RORA: variants seen among roughly 807,000 people sequenced by gnomAD.
RORA encodes the protein nuclear receptor ROR-alpha.
In RORA, 7 loss-of-function variants were observed where a neutral mutation model predicts 69.5. That is an observed-to-expected ratio of 0.10 (90% CI 0.06 to 0.19). The LOEUF (loss-of-function observed/expected upper bound fraction) is 0.19. Among genes scored for constraint, RORA ranks in the 10% least tolerant of loss-of-function variants. The pLI is 1.00. For synonymous variants in RORA, 261 were observed against 240.8 expected, an observed-to-expected ratio of 1.08 and a Z score of -0.78; for missense variants, 457 against 663.0, an observed-to-expected ratio of 0.69 and a Z score of 3.41.
chr15:61,042,336 C>A (rs962299211), intron 1 of RORA, among the ~76,000 whole-genome samples: 17 of 152,236 alleles, frequency 1.1e-4, no homozygotes, highest in African/African-American at 4.1e-4. Context: ...GGAACTGTTC[C>A]AAGATGGCAA....
chr15:60,934,208 C>T (rs1892454883), intron 1 of RORA, among the ~76,000 whole-genome samples: 1 of 152,226 alleles, frequency 6.6e-6, no homozygotes, highest in African/African-American at 2.4e-5. Context: ...CTGCCTGCCT[C>T]ATGCAGGGAG....
intron 1 of RORA, among the ~76,000 whole-genome samples, chr15:60,779,751 G>C (rs1418144508): frequency 6.6e-6 from 1 of 152,148 alleles, no homozygotes; most frequent in Non-Finnish European, 1.5e-5. Context: ...AACTTAACAT[G>C]GTTCTACATT....
intron 1 of RORA, among the ~76,000 whole-genome samples, chr15:60,938,259 A>C (rs1013579216): frequency 2.6e-5 from 4 of 152,210 alleles, no homozygotes; most frequent in South Asian, 4.1e-4. Context: ...TAGAAAAAAC[A>C]ATGTCTAAAA....
chr15:61,201,896 C>T (rs2079898109), intron 1 of RORA, among the ~76,000 whole-genome samples: 1 of 152,072 alleles, frequency 6.6e-6, no homozygotes, highest in Admixed American at 6.5e-5. Flanking sequence ...AAATTAGTTC[C>T]TCATAACATT....
chr15:60,846,274 T>G (rs16943190), intron 1 of RORA, among the ~76,000 whole-genome samples: 1,761 of 152,346 alleles, frequency 0.012, 12 homozygotes, highest in Non-Finnish European at 0.019. Flanking sequence ...CGTACTGTGA[T>G]TTATCATTGC....
chr15:60,523,048 C>G (rs900838950), intron 3 of RORA, among the ~76,000 whole-genome samples: 1 of 133,434 alleles, frequency 7.5e-6, no homozygotes, highest in Non-Finnish European at 1.6e-5. Context: ...AAAAAAAAAA[C>G]ACAAAAAAAA....
intron 1 of RORA, among the ~76,000 whole-genome samples, chr15:60,865,733 C>G (rs1363325158): frequency 6.6e-6 from 1 of 152,148 alleles, no homozygotes; most frequent in Non-Finnish European, 1.5e-5. Flanking sequence ...CAGCCCCTTC[C>G]AGTCCCAGCC....
rs2065685121 is a variant in RORA at position 60,511,157 on chromosome 15, G to A, written c.820+69C>T. On this transcript the variant is annotated intron_variant, in intron 5 of 10. Coordinates refer to ENST00000335670, the MANE Select transcript of RORA (RefSeq NM_134261.3). The surrounding 1 kb of genome is among the most constrained non-coding windows in gnomAD (Gnocchi z 6.4). ...ATTTAGCAGAACTCATTAGAGGAAA[G>A]TCAGACATACCCCTTTTACTTCAAA... 1 of 1,498,722 alleles carries A rather than the reference G, an allele frequency of 6.7e-7. No homozygotes were observed. The highest frequency in any genetic ancestry group is 9.0e-7 in the Non-Finnish European group (1 of 1,108,650). 92.8% of individuals were successfully genotyped at this position (1,498,722 alleles called of 1,614,324 possible).
chr15:60,509,448 T>C (rs1567044900), intron 5 of RORA, among the ~76,000 whole-genome samples: 2 of 152,244 alleles, frequency 1.3e-5, no homozygotes, highest in African/African-American at 4.8e-5. Flanking sequence ...AAGAGGAAGC[T>C]GACTTGTCCG....
chr15:61,021,426 G>T (rs901343328), intron 1 of RORA, among the ~76,000 whole-genome samples: 1 of 152,192 alleles, frequency 6.6e-6, no homozygotes, highest in Admixed American at 6.5e-5. Flanking sequence ...GTAAGTGCTT[G>T]CTATAGGCCA....
At chr15:61,042,341 T>C (rs1273664031) in intron 1 of RORA, among the ~76,000 whole-genome samples, 1 of 152,164 alleles carries the variant, frequency 6.6e-6, no homozygotes, top group Non-Finnish European at 1.5e-5. Flanking sequence ...TGTTCCAAGA[T>C]GGCAAGGGTG....
chr15:60,718,205 C>T (rs2071245308), intron 1 of RORA, among the ~76,000 whole-genome samples: 1 of 152,176 alleles, frequency 6.6e-6, no homozygotes, highest in Non-Finnish European at 1.5e-5. Context: ...ATGGTCTGGA[C>T]ATCACTGGGC....
At chr15:60,820,419 G>C (rs553080661) in intron 1 of RORA, among the ~76,000 whole-genome samples, 1 of 152,262 alleles carries the variant, frequency 6.6e-6, no homozygotes, top group East Asian at 1.9e-4. Flanking sequence ...AAGGGTGTTG[G>C]AGGTCTTGAA....
intron 2 of RORA, among the ~76,000 whole-genome samples, chr15:60,673,300 A>G (rs930813901): frequency 7.9e-5 from 12 of 152,222 alleles, no homozygotes; most frequent in African/African-American, 2.9e-4. Context: ...CTTTGGAAGA[A>G]CTGACTGGCA....
intron 3 of RORA, chr15:60,530,578 T>A (rs1435691348): frequency 6.6e-6 from 1 of 152,204 alleles, no homozygotes; most frequent in African/African-American, 2.4e-5. Context: ...TAAGATGGGA[T>A]CAACATGAAG....
intron 1 of RORA, among the ~76,000 whole-genome samples, chr15:60,901,440 G>A (rs1223186906): frequency 6.6e-6 from 1 of 152,170 alleles, no homozygotes; most frequent in East Asian, 1.9e-4. Context: ...CCAAAGTGTT[G>A]GGATTACAGG....
At chr15:60,512,347 G>A (rs2065728637) in intron 4 of RORA, among the ~76,000 whole-genome samples, 1 of 152,192 alleles carries the variant, frequency 6.6e-6, no homozygotes, top group African/African-American at 2.4e-5. Flanking sequence ...GTGCAGTGAT[G>A]TGAACATGGC....
intron 2 of RORA, among the ~76,000 whole-genome samples, chr15:60,569,121 GAATTA>G (rs2067801948): frequency 2.0e-5 from 3 of 151,940 alleles, no homozygotes. Context: ...AAAATTGGTT[GAATTA>G]AATTAATCAA....
intron 1 of RORA, among the ~76,000 whole-genome samples, chr15:60,869,425 GAAGGA>G (rs1420568424): frequency 6.6e-6 from 1 of 152,208 alleles, no homozygotes; most frequent in Admixed American, 6.5e-5. Context: ...CCTAACAGGA[GAAGGA>G]AAGGTGGTCT....
Sources: allele counts gnomAD v4.1 joint callset (sites outside exome capture counted in the v4.1 genomes callset), GRCh38; gene constraint gnomAD v4.1.1; non-coding constraint Gnocchi (gnomAD v3.1); transcripts MANE v1.5; gene names NCBI Gene and HGNC (gene_info 2026-07-23, HGNC 2026-07-21).